DUSP29: variants seen among roughly 807,000 people sequenced by gnomAD.
DUSP29 encodes atypical dual-specific protein phosphatase.
Under a neutral mutation model 13.5 loss-of-function variants are expected in DUSP29, and 12 were observed. That is an observed-to-expected ratio of 0.89 (90% CI 0.57 to 1.44). DUSP29 has a LOEUF of 1.44. Ranked by LOEUF, DUSP29 falls within the 40% of genes most tolerant of loss-of-function variation. The pLI is 0.00. For synonymous variants in DUSP29, 134 were observed against 128.7 expected (o/e 1.04, Z -0.28); for missense variants, 308 against 301.1 (o/e 1.02, Z -0.17).
At chr10:75,051,491 C>G (rs1197021760) in intron 2 of DUSP29, among the ~76,000 whole-genome samples, 2 of 152,226 alleles carry the variant, frequency 1.3e-5, no homozygotes, top group Non-Finnish European at 2.9e-5. Flanking sequence ...CTCCACCTAT[C>G]TCCACAAAAA....
chr10:75,053,956 C>CT (rs762864986), intron 2 of DUSP29, among the ~76,000 whole-genome samples: 13 of 152,112 alleles, frequency 8.5e-5, no homozygotes, highest in Non-Finnish European at 1.6e-4. Flanking sequence ...TAAATGATGC[C>CT]TAGCACAAGG....
At chr10:75,068,888 T>C (rs902958645) in intron 1 of DUSP29, among the ~76,000 whole-genome samples, 1 of 152,176 alleles carries the variant, frequency 6.6e-6, no homozygotes, top group Non-Finnish European at 1.5e-5. Flanking sequence ...AAAAGAAAAC[T>C]TGGACGTAAA....
chr10:75,056,883 A>C (rs1248253494), intron 2 of DUSP29, among the ~76,000 whole-genome samples: 5 of 152,128 alleles, frequency 3.3e-5, no homozygotes, highest in Non-Finnish European at 7.4e-5. Context: ...TAACTTTTTC[A>C]ATTTAAAAAA....
At chr10:75,043,705 G>A in intron 3 of DUSP29, 92 bp downstream of exon 3, 2 of 1,193,634 alleles carry the variant, frequency 1.7e-6, no homozygotes, top group Non-Finnish European at 2.3e-6. Context: ...AGCCTTAGTG[G>A]GGCGGGGAAG....
chr10:75,061,749 G>A (rs1847092923), intron 1 of DUSP29, among the ~76,000 whole-genome samples: 1 of 152,162 alleles, frequency 6.6e-6, no homozygotes, highest in Non-Finnish European at 1.5e-5. Flanking sequence ...CCTTGCTTCG[G>A]GGCTCCTGAG....
chr10:75,042,556 G>C (rs1423706957), intron 3 of DUSP29, among the ~76,000 whole-genome samples: 1 of 152,222 alleles, frequency 6.6e-6, no homozygotes, highest in Non-Finnish European at 1.5e-5. Flanking sequence ...TGGAAATGAG[G>C]CATCTTCTAA....
At position 75,043,879 on chromosome 10, in the gene DUSP29, G is replaced by A; in HGVS notation, c.339C>T (p.Ala113=). The A allele has an allele frequency of 6.2e-7, 1 of 1,614,052 alleles. No homozygotes were observed. The highest frequency in any genetic ancestry group is 8.5e-7 in the Non-Finnish European group (1 of 1,179,946). Residue 113 remains alanine (A), a synonymous_variant, in exon 3 of 4, where the codon GCC becomes GCT. Coordinates refer to ENST00000338487, the MANE Select transcript of DUSP29 (RefSeq NM_001003892.3). ...DMDIQYHGVE[A]DDLPTFDLSV... ...TGAGGTCGAAGGTGGGCAGGTCGTC[G>A]GCCTCCACGCCGTGGTACTGGATGT...
intron 2 of DUSP29, among the ~76,000 whole-genome samples, chr10:75,053,706 G>T (rs1010698153): frequency 8.7e-4 from 123 of 142,196 alleles, no homozygotes; most frequent in Non-Finnish European, 1.1e-3. Flanking sequence ...TTTTTTTTTT[G>T]ATCTGGATTT....
intron 2 of DUSP29, among the ~76,000 whole-genome samples, chr10:75,044,582 G>A (rs973680158): frequency 6.6e-6 from 1 of 152,222 alleles, no homozygotes; most frequent in Non-Finnish European, 1.5e-5. Flanking sequence ...GCTGGGCAGA[G>A]CATTGTTCTG....
rs777932585 is a variant in DUSP29, at chr10:75,037,807, A to C, written c.*29T>G. On this transcript the variant is annotated 3_prime_UTR_variant, in exon 4 of 4. Transcript: ENST00000338487. ...GTTCTGCCTCTCCCCTCTGTCCCCAAGTGCCTCTGCTGGCCCTGTGAGTCG... is the reference window on the plus strand; with the variant it reads ...GTTCTGCCTCTCCCCTCTGTCCCCACGTGCCTCTGCTGGCCCTGTGAGTCG... 6 of 1,584,242 alleles carry C rather than the reference A, an allele frequency of 3.8e-6. No individual in the cohort carries two copies. The African/African-American group carries it at 6.7e-5, about 18-fold the overall frequency.
rs563416009 is a variant in DUSP29, at chr10:75,060,467, A to AT, written c.-34-1920dup. Among the ~76,000 whole-genome samples the AT allele has an allele frequency of 5.4e-3, 594 of 109,720 alleles. 2 individuals carry two copies. The highest frequency in any genetic ancestry group is 0.022 in the African/African-American group (558 of 25,168). 72.0% of individuals were successfully genotyped at this position (109,720 alleles called of 152,430 possible). A position where few individuals can be genotyped will look rare whatever the true frequency, so the allele number is the denominator to read the frequency against. On this transcript the variant is annotated intron_variant, in intron 1 of 3. Transcript: ENST00000338487. ...CTCCTGGGCAACACAGTGAGACCTT[A>AT]TAAAAAAAAAAAAAAAAACCCAAAA...
rs146855861 is a variant in DUSP29, at chr10:75,057,254, G to A, written c.200+1061C>T. 6.8e-4 allele frequency among the ~76,000 whole-genome samples: 104 copies of A among 152,020 alleles called. 2 individuals are homozygous for A. Among genetic ancestry groups the A allele is most frequent in the South Asian group, 3.1e-3 (15 of 4,806 alleles). ...ACACCACTCCAACCTGCACTTCAAC[G>A]TGGGTGACAGGGTGAGACTGTCTCG... is the stretch of plus-strand genomic sequence containing the variant. On this transcript the variant is annotated intron_variant, in intron 2 of 3. Transcript: ENST00000338487.
chr10:75,056,036 T>C (rs1241114042), intron 2 of DUSP29, among the ~76,000 whole-genome samples: 3 of 152,142 alleles, frequency 2.0e-5, no homozygotes, highest in African/African-American at 7.2e-5. Context: ...CCCCAGTAGC[T>C]GGGACTATAG....
At chr10:75,043,746 T>TCGGGGCGGGG (rs759512422) in intron 3 of DUSP29, 51 bp downstream of exon 3, 87 of 1,203,024 alleles carry the variant, frequency 7.2e-5, no homozygotes, top group Middle Eastern at 3.2e-4. Context: ...GCGGGGCGAG[T>TCGGGGCGGGG]CGGGGCGGGG....
intron 1 of DUSP29, among the ~76,000 whole-genome samples, chr10:75,063,529 C>T (rs2134302839): frequency 6.6e-6 from 1 of 152,128 alleles, no homozygotes; most frequent in Non-Finnish European, 1.5e-5. Flanking sequence ...ATAAACATCC[C>T]CACTTCCTCA....
intron 1 of DUSP29, among the ~76,000 whole-genome samples, chr10:75,063,273 C>G (rs530549357): frequency 9.9e-5 from 15 of 152,188 alleles, no homozygotes; most frequent in Non-Finnish European, 1.8e-4. Flanking sequence ...ATGTAAGCCC[C>G]TGTAATCGAT....
chr10:75,061,205 G>A (rs1393185801), intron 1 of DUSP29, among the ~76,000 whole-genome samples: 1 of 152,168 alleles, frequency 6.6e-6, no homozygotes, highest in Non-Finnish European at 1.5e-5. Flanking sequence ...CTCTTCAGGT[G>A]TGTTTGAAAT....
At chr10:75,039,557 A>G (rs1238377031) in intron 3 of DUSP29, among the ~76,000 whole-genome samples, 1 of 152,134 alleles carries the variant, frequency 6.6e-6, no homozygotes, top group African/African-American at 2.4e-5. Context: ...CTGCTCCTCA[A>G]TTGCATGCTT....
Position 75,072,438 on chromosome 10 carries a change from T to C in DUSP29, c.-35+1131A>G, listed in dbSNP as rs532444482. On this transcript the variant is annotated intron_variant, in intron 1 of 3. Transcript: ENST00000338487. ...GTGAGAGGGACAAAGGAACCTTTCC[T>C]GTTTCACTCCCACTAACTCTCCTCA... is the stretch of plus-strand genomic sequence containing the variant. Among the ~76,000 whole-genome samples, 39 of 152,274 alleles carry C rather than the reference T, an allele frequency of 2.6e-4. 1 individual carries two copies. The highest frequency in any genetic ancestry group is 9.1e-4 in the African/African-American group (38 of 41,546).
Sources: allele counts gnomAD v4.1 joint callset (sites outside exome capture counted in the v4.1 genomes callset), GRCh38; gene constraint gnomAD v4.1.1; transcripts MANE v1.5; gene names NCBI Gene and HGNC (gene_info 2026-07-23, HGNC 2026-07-21).